Variants in RERE observed in about 807,000 individuals in gnomAD.
RERE encodes the protein arginine-glutamic acid dipeptide repeats.
Under a neutral mutation model 146.1 loss-of-function variants are expected in RERE, and 40 were observed. The observed-to-expected ratio is 0.27, with a 90% CI of 0.21 to 0.36. The LOEUF is 0.36. Ranked by LOEUF, RERE falls within the 10% of genes least tolerant of loss-of-function variation. The probability of loss-of-function intolerance (pLI) is 1.00; values close to 1 mark genes in which losing one functional copy is unlikely to be tolerated. For synonymous variants in RERE, 1,003 were observed against 866.0 expected (o/e 1.16, Z -2.78); for missense variants, 1,933 against 2,138.7 (o/e 0.90, Z 1.90).
Position 8,604,598 on chromosome 1 carries a change from A to AGGG in RERE, c.522+9962_522+9963insCCC, listed in dbSNP as rs1557428914. 1.8e-3 allele frequency among the ~76,000 whole-genome samples: 145 copies of AGGG among 80,642 alleles called. 3 individuals are homozygous for AGGG. Among genetic ancestry groups the AGGG allele is most frequent in the African/African-American group, 7.2e-3 (140 of 19,560 alleles). The allele number at this position is 80,642 out of a possible 152,430, so 52.9% of individuals were successfully genotyped here. A position where few individuals can be genotyped will look rare whatever the true frequency, so the allele number is the denominator to read the frequency against. On this transcript the variant is annotated intron_variant, in intron 4 of 22. Transcript: ENST00000400908. Reference sequence around the variant, plus strand: ...AAAAGAAGGAAGGAAGGAAGGAAGGAAGGGAGGGAGGGAGGGAGGGAGGGA... The same window carrying AGGG: ...AAAAGAAGGAAGGAAGGAAGGAAGGAGGGAGGGAGGGAGGGAGGGAGGGAGGGA...
chr1:8,605,018 G>A (rs1003600846), intron 4 of RERE, among the ~76,000 whole-genome samples: 2 of 152,174 alleles, frequency 1.3e-5, no homozygotes, highest in African/African-American at 2.4e-5. Flanking sequence ...TGGATCAGTG[G>A]GAAATTGTAC....
chr1:8,405,143 T>G (rs770164251), intron 12 of RERE, among the ~76,000 whole-genome samples: 2 of 151,840 alleles, frequency 1.3e-5, no homozygotes, highest in Non-Finnish European at 2.9e-5. Flanking sequence ...TGGTCAAGAG[T>G]GAGAAGGGAG....
chr1:8,465,631 G>A (rs1162581059), intron 11 of RERE: 2 of 457,274 alleles, frequency 4.4e-6, no homozygotes, highest in East Asian at 5.3e-5. Flanking sequence ...AAGCTAGCTT[G>A]CACCAAAAAC....
intron 4 of RERE, among the ~76,000 whole-genome samples, chr1:8,607,882 C>G (rs1432255174): frequency 6.6e-6 from 1 of 151,902 alleles, no homozygotes; most frequent in East Asian, 1.9e-4. Flanking sequence ...CCCGCCACCA[C>G]GCCTGGCTAA....
intron 1 of RERE, among the ~76,000 whole-genome samples, chr1:8,799,051 A>T (rs1017243122): frequency 2.1e-5 from 3 of 141,694 alleles, no homozygotes; most frequent in African/African-American, 8.0e-5. Context: ...CTGGAGTCCA[A>T]TGGCAGACCT....
chr1:8,736,854 A>G (rs1216141274), intron 1 of RERE, among the ~76,000 whole-genome samples: 2 of 133,130 alleles, frequency 1.5e-5, no homozygotes, highest in East Asian at 2.7e-4. Flanking sequence ...CAAGGGGGAA[A>G]AAAAAAAAAA....
chr1:8,382,926 T>C (rs1482009100), intron 12 of RERE, among the ~76,000 whole-genome samples: 2 of 152,032 alleles, frequency 1.3e-5, no homozygotes, highest in Admixed American at 6.6e-5. Flanking sequence ...GACAGGATTT[T>C]TTCTTGAAAA....
intron 12 of RERE, among the ~76,000 whole-genome samples, chr1:8,386,906 A>G (rs1392077645): frequency 6.6e-6 from 1 of 152,222 alleles, no homozygotes; most frequent in Admixed American, 6.5e-5. Flanking sequence ...CAAATAGAAA[A>G]AAGACGGATA....
intron 1 of RERE, among the ~76,000 whole-genome samples, chr1:8,811,826 A>C (rs1200593833): frequency 5.9e-5 from 9 of 152,132 alleles, no homozygotes; most frequent in African/African-American, 2.2e-4. Flanking sequence ...CCACATTAAT[A>C]TTGTCCCCTT....
At chr1:8,565,992 C>T (rs1054498726) in intron 4 of RERE, among the ~76,000 whole-genome samples, 1 of 152,200 alleles carries the variant, frequency 6.6e-6, no homozygotes, top group Non-Finnish European at 1.5e-5. Context: ...CCATCCTATA[C>T]ACATCTCCCA....
chr1:8,816,744 T>C (rs1393669662), intron 1 of RERE, among the ~76,000 whole-genome samples: 1 of 151,950 alleles, frequency 6.6e-6, no homozygotes. Flanking sequence ...GAGGAAATCT[T>C]CCCCCAATGA....
At chr1:8,453,013 T>C (rs184686863) in intron 11 of RERE, among the ~76,000 whole-genome samples, 5 of 152,190 alleles carry the variant, frequency 3.3e-5, no homozygotes, top group Non-Finnish European at 5.9e-5. Flanking sequence ...CATCTCAGAG[T>C]GTGGCCTAAA....
intron 1 of RERE, among the ~76,000 whole-genome samples, chr1:8,701,912 T>A (rs1569580999): frequency 6.6e-6 from 1 of 152,222 alleles, no homozygotes; most frequent in Admixed American, 6.5e-5. Context: ...GAAAGGCAAC[T>A]GCCTCTCAGA....
chr1:8,761,788 G>A (rs1181539248), intron 1 of RERE, among the ~76,000 whole-genome samples: 1 of 152,076 alleles, frequency 6.6e-6, no homozygotes, highest in Non-Finnish European at 1.5e-5. Context: ...CGGGCGTGGT[G>A]GTGCATGCCT....
intron 11 of RERE, among the ~76,000 whole-genome samples, chr1:8,448,677 AG>A (rs1253736064): frequency 3.9e-5 from 6 of 152,118 alleles, no homozygotes; most frequent in Non-Finnish European, 8.8e-5. Flanking sequence ...CCGTGTGCAG[AG>A]GCCTCCAGAT....
At chr1:8,553,255 T>C (rs1445590068) in intron 6 of RERE, among the ~76,000 whole-genome samples, 1 of 145,298 alleles carries the variant, frequency 6.9e-6, no homozygotes, top group Non-Finnish European at 1.5e-5. Flanking sequence ...TATGAGACAC[T>C]GCACCATTAA....
At chr1:8,371,275 T>A (rs998510028) in intron 12 of RERE, among the ~76,000 whole-genome samples, 7 of 152,342 alleles carry the variant, frequency 4.6e-5, no homozygotes, top group African/African-American at 1.7e-4. Flanking sequence ...GCAAAAAGCC[T>A]TTGGCAATGA....
intron 10 of RERE, among the ~76,000 whole-genome samples, chr1:8,474,781 C>T (rs1644732139): frequency 6.6e-6 from 1 of 152,202 alleles, no homozygotes; most frequent in Non-Finnish European, 1.5e-5. Context: ...GCAGTTTCTA[C>T]TATGCCAAAG....
intron 4 of RERE, among the ~76,000 whole-genome samples, chr1:8,587,937 C>G (rs912158505): frequency 1.3e-5 from 2 of 152,172 alleles, no homozygotes; most frequent in African/African-American, 4.8e-5. Context: ...TGTTGGGACC[C>G]TGAAAGACAT....
Sources: allele counts gnomAD v4.1 joint callset (sites outside exome capture counted in the v4.1 genomes callset), GRCh38; gene constraint gnomAD v4.1.1; transcripts MANE v1.5; gene names NCBI Gene and HGNC (gene_info 2026-07-23, HGNC 2026-07-21).